Variants in CACNA2D1 observed in about 807,000 individuals in gnomAD.
CACNA2D1 encodes the protein calcium voltage-gated channel auxiliary subunit alpha2delta 1.
Under a neutral mutation model 171.5 loss-of-function variants are expected in CACNA2D1, and 53 were observed. The ratio of observed to expected loss-of-function variants is 0.31; its 90% CI spans 0.25 to 0.39. The LOEUF (loss-of-function observed/expected upper bound fraction) is 0.39, where lower values mean the gene tolerates loss of function less well. CACNA2D1 is among the 10% of genes least tolerant of loss of function. The probability of loss-of-function intolerance (pLI) is 1.00; values close to 1 mark genes in which losing one functional copy is unlikely to be tolerated. For synonymous variants in CACNA2D1, 442 were observed against 443.1 expected (o/e 1.00, Z 0.03); for missense variants, 903 against 1,299.8 (o/e 0.69, Z 4.69).
intron 3 of CACNA2D1, among the ~76,000 whole-genome samples, chr7:82,266,981 T>C (rs931180844): frequency 2.5e-4 from 38 of 152,160 alleles, no homozygotes; most frequent in African/African-American, 8.7e-4. Context: ...TTTTTATCCA[T>C]CAAAAAATCT....
intron 1 of CACNA2D1, among the ~76,000 whole-genome samples, chr7:82,359,528 C>T (rs975990337): frequency 7.7e-4 from 117 of 152,080 alleles, no homozygotes; most frequent in African/African-American, 2.8e-3. Context: ...AATATGTCAG[C>T]TTTGTCATGC....
At chr7:82,096,675 T>A (rs1353577316) in intron 6 of CACNA2D1, among the ~76,000 whole-genome samples, 1 of 148,846 alleles carries the variant, frequency 6.7e-6, no homozygotes, top group Non-Finnish European at 1.5e-5. Context: ...ACTCTCAATA[T>A]CAAAATATCC....
intron 4 of CACNA2D1, among the ~76,000 whole-genome samples, chr7:82,144,000 T>A (rs1792696507): frequency 6.6e-6 from 1 of 152,148 alleles, no homozygotes. Flanking sequence ...GTAAATCACA[T>A]CACCCCACTT....
At chr7:82,055,930 G>GTATATATATATATATATATA (rs58786082) in intron 10 of CACNA2D1, among the ~76,000 whole-genome samples, 109 of 111,452 alleles carry the variant, frequency 9.8e-4, no homozygotes, top group African/African-American at 1.6e-3. Flanking sequence ...GTGTGTGTGT[G>GTATATATATATATATATATA]TATATATATA....
intron 1 of CACNA2D1, among the ~76,000 whole-genome samples, chr7:82,422,727 G>T (rs555244876): frequency 6.6e-6 from 1 of 152,056 alleles, no homozygotes; most frequent in African/African-American, 2.4e-5. Flanking sequence ...TGCATGGAAA[G>T]GCATTTAAAA....
intron 3 of CACNA2D1, among the ~76,000 whole-genome samples, chr7:82,183,886 C>T (rs1797393446): frequency 6.6e-6 from 1 of 152,084 alleles, no homozygotes; most frequent in Admixed American, 6.6e-5. Context: ...TCCAGCTCTG[C>T]TCCTCCCACC....
At position 82,170,608 on chromosome 7, in the gene CACNA2D1, C is replaced by T. The variant is rs562957992; in HGVS notation, c.296G>A (p.Arg99His). 1.6e-5 allele frequency: 25 copies of T among 1,612,182 alleles called. No homozygotes were observed. Among genetic ancestry groups the T allele is most frequent in the African/African-American group, 6.7e-5 (5 of 74,892 alleles). Residue 99 changes from arginine to histidine, a missense_variant and splice_region_variant, in exon 4 of 39, where the codon CGC becomes CAC. By Grantham distance (29) the Arg-to-His change is conservative. Transcript: ENST00000356860. ...LLSNRSKALV[R>H]LALEAEKVQA... ...AACTTTCTCCGCTTCCAATGCCAGG[C>T]GCTGAAAAACAAACAATAAATCTTA...
chr7:82,246,933 G>A (rs1328072711), intron 3 of CACNA2D1, among the ~76,000 whole-genome samples: 1 of 151,956 alleles, frequency 6.6e-6, no homozygotes, highest in Non-Finnish European at 1.5e-5. Context: ...CATATCTAGG[G>A]TCTTCTTCCA....
intron 15 of CACNA2D1, among the ~76,000 whole-genome samples, chr7:82,011,776 T>C (rs1799804408): frequency 6.6e-6 from 1 of 152,176 alleles, no homozygotes; most frequent in Non-Finnish European, 1.5e-5. Flanking sequence ...ACTTTAAAAA[T>C]ACTTTCTTCA....
chr7:82,343,640 GT>G (rs1472531778), intron 2 of CACNA2D1, among the ~76,000 whole-genome samples: 1 of 151,954 alleles, frequency 6.6e-6, no homozygotes. Context: ...CTCTCTACCT[GT>G]TTTTTTGTTG....
intron 3 of CACNA2D1, among the ~76,000 whole-genome samples, chr7:82,250,536 A>T (rs2129314113): frequency 6.6e-6 from 1 of 152,240 alleles, no homozygotes; most frequent in African/African-American, 2.4e-5. Flanking sequence ...TAGTGGCTTT[A>T]ATTATCTTTT....
chr7:82,280,182 T>C (rs11768310), intron 3 of CACNA2D1, among the ~76,000 whole-genome samples: 6,768 of 152,324 alleles, frequency 0.044, 183 homozygotes, highest in Middle Eastern at 0.079. Context: ...TACATGTTAC[T>C]TGTATGATAT....
At chr7:82,029,165 A>C (rs750235161) in intron 12 of CACNA2D1, 1 of 151,854 alleles carries the variant, frequency 6.6e-6, no homozygotes, top group East Asian at 1.9e-4. Flanking sequence ...GCAGCCATCA[A>C]CATTAAGGCA....
intron 3 of CACNA2D1, among the ~76,000 whole-genome samples, chr7:82,324,725 C>T (rs1201882024): frequency 2.6e-5 from 4 of 152,112 alleles, no homozygotes; most frequent in African/African-American, 9.7e-5. Context: ...GGACAGGTAT[C>T]TCCCACTTAA....
intron 3 of CACNA2D1, among the ~76,000 whole-genome samples, chr7:82,186,276 A>AAGGG (rs2129179202): frequency 6.6e-6 from 1 of 150,636 alleles, no homozygotes; most frequent in East Asian, 2.0e-4. Flanking sequence ...GGAAGGAAGG[A>AAGGG]AGGAAGGAAG....
chr7:82,229,004 TC>T (rs1387294511), intron 3 of CACNA2D1, among the ~76,000 whole-genome samples: 1 of 152,164 alleles, frequency 6.6e-6, no homozygotes, highest in Non-Finnish European at 1.5e-5. Flanking sequence ...TCCATATATG[TC>T]ACAGAAAATC....
chr7:82,245,676 A>ACACACACACACACT (rs3086957), intron 3 of CACNA2D1, among the ~76,000 whole-genome samples: 2,638 of 145,898 alleles, frequency 0.018, 39 homozygotes, highest in African/African-American at 0.031. Flanking sequence ...ACACACACAC[A>ACACACACACACACT]CACACACACA....
intron 26 of CACNA2D1, 140 bp downstream of exon 26, chr7:81,971,637 C>A: frequency 1.6e-6 from 1 of 631,474 alleles, no homozygotes; most frequent in Non-Finnish European, 2.8e-6. Flanking sequence ...AAGTTGTCAA[C>A]AACTGTATAG....
intron 30 of CACNA2D1, 133 bp downstream of exon 30, chr7:81,967,463 T>C (rs995223394): frequency 1.2e-5 from 8 of 651,656 alleles, no homozygotes; most frequent in Non-Finnish European, 1.9e-5. Context: ...TTTGAAAAAA[T>C]AGGAATTCAG....
Sources: allele counts gnomAD v4.1 joint callset (sites outside exome capture counted in the v4.1 genomes callset), GRCh38; gene constraint gnomAD v4.1.1; transcripts MANE v1.5; gene names NCBI Gene and HGNC (gene_info 2026-07-23, HGNC 2026-07-21).